Variants in NALF1 observed in about 807,000 individuals in gnomAD.
NALF1 encodes family with sequence similarity 155 member A.
Under a neutral mutation model 48.4 loss-of-function variants are expected in NALF1, and 3 were observed. The observed-to-expected ratio is 0.06, with a 90% confidence interval of 0.03 to 0.16. The LOEUF (loss-of-function observed/expected upper bound fraction) is 0.16, where lower values mean the gene tolerates loss of function less well. NALF1 is among the 10% of genes least tolerant of loss of function. NALF1 has a pLI of 1.00. For synonymous variants in NALF1, 262 were observed against 245.7 expected (o/e 1.07, Z -0.62); for missense variants, 526 against 571.5 (o/e 0.92, Z 0.81).
chr13:107,208,512 T>A (rs527282877), intron 2 of NALF1, among the ~76,000 whole-genome samples: 2 of 152,284 alleles, frequency 1.3e-5, no homozygotes, highest in East Asian at 3.9e-4. Flanking sequence ...CAGATACATG[T>A]AGGAAAAAGA....
At chr13:107,521,924 TACACACACACACACACATAC>T (rs938442260) in intron 1 of NALF1, among the ~76,000 whole-genome samples, 2 of 148,252 alleles carry the variant, frequency 1.3e-5, no homozygotes, top group South Asian at 4.3e-4. Context: ...TTCTTCAACT[TACACACACACACACACATAC>T]ACACACACAC....
chr13:107,618,593 C>T (rs371698733), intron 1 of NALF1, among the ~76,000 whole-genome samples: 2 of 152,054 alleles, frequency 1.3e-5, no homozygotes, highest in African/African-American at 2.4e-5. Context: ...GTGGCCGGAC[C>T]GGGATGCTAG....
intron 1 of NALF1, among the ~76,000 whole-genome samples, chr13:107,765,555 T>C (rs1161933089): frequency 6.6e-6 from 1 of 152,190 alleles, no homozygotes; most frequent in Non-Finnish European, 1.5e-5. Context: ...GTTCTGTTTA[T>C]GTGGATGTAC....
intron 1 of NALF1, among the ~76,000 whole-genome samples, chr13:107,565,911 T>G (rs1235553674): frequency 2.6e-5 from 4 of 152,184 alleles, no homozygotes; most frequent in Non-Finnish European, 5.9e-5. Context: ...ATCTCCATCA[T>G]TGAAATTTCT....
intron 1 of NALF1, among the ~76,000 whole-genome samples, chr13:107,649,297 A>G (rs1220793929): frequency 6.6e-6 from 1 of 152,218 alleles, no homozygotes; most frequent in Non-Finnish European, 1.5e-5. Flanking sequence ...AGATTTTTAC[A>G]TCTTGAGTCA....
chr13:107,570,589 A>ATT, intron 1 of NALF1, among the ~76,000 whole-genome samples: 1 of 91,998 alleles, frequency 1.1e-5, no homozygotes, highest in African/African-American at 3.6e-5. Flanking sequence ...TTATTTTATT[A>ATT]TTATTATACT....
chr13:107,311,556 A>G (rs892961954), intron 1 of NALF1, among the ~76,000 whole-genome samples: 1 of 150,482 alleles, frequency 6.6e-6, no homozygotes, highest in Non-Finnish European at 1.5e-5. Context: ...AATTATATTT[A>G]ATAAATGATA....
chr13:107,519,196 C>A (rs780781294), intron 1 of NALF1, among the ~76,000 whole-genome samples: 4 of 151,960 alleles, frequency 2.6e-5, no homozygotes, highest in South Asian at 4.1e-4. Flanking sequence ...GGGTCTCCAA[C>A]CAGAACCACA....
intron 1 of NALF1, among the ~76,000 whole-genome samples, chr13:107,335,045 C>T (rs976901502): frequency 2.0e-5 from 3 of 152,078 alleles, no homozygotes; most frequent in Non-Finnish European, 4.4e-5. Flanking sequence ...CTGAAGTCTT[C>T]GTGATCTCCT....
At chr13:107,390,857 C>G (rs1037296508) in intron 1 of NALF1, among the ~76,000 whole-genome samples, 1 of 146,622 alleles carries the variant, frequency 6.8e-6, no homozygotes, top group Non-Finnish European at 1.5e-5. Flanking sequence ...GACCAAAAGT[C>G]AAGACCTGCA....
intron 1 of NALF1, among the ~76,000 whole-genome samples, chr13:107,323,810 A>T (rs1247870169): frequency 6.6e-6 from 1 of 152,178 alleles, no homozygotes; most frequent in Non-Finnish European, 1.5e-5. Context: ...TTAAATTGTA[A>T]CTTATCCAAG....
At chr13:107,856,244 T>A (rs577113982) in intron 1 of NALF1, among the ~76,000 whole-genome samples, 1 of 152,312 alleles carries the variant, frequency 6.6e-6, no homozygotes, top group East Asian at 1.9e-4. Context: ...TCAGTTCTTT[T>A]GATAATGTCC....
chr13:107,380,176 A>C (rs1883408354), intron 1 of NALF1, among the ~76,000 whole-genome samples: 1 of 152,162 alleles, frequency 6.6e-6, no homozygotes, highest in East Asian at 1.9e-4. Flanking sequence ...GGCATTTCTG[A>C]ATCCTTAACT....
intron 1 of NALF1, among the ~76,000 whole-genome samples, chr13:107,420,288 C>T (rs1044838674): frequency 6.6e-6 from 1 of 152,126 alleles, no homozygotes; most frequent in South Asian, 2.1e-4. Flanking sequence ...TAAAGCCAAA[C>T]TTTAGATGGT....
chr13:107,861,425 A>G (rs1880564793), intron 1 of NALF1, among the ~76,000 whole-genome samples: 1 of 152,204 alleles, frequency 6.6e-6, no homozygotes, highest in Non-Finnish European at 1.5e-5. Flanking sequence ...CTTAGTCAAG[A>G]GCAAAATATT....
intron 1 of NALF1, among the ~76,000 whole-genome samples, chr13:107,565,503 C>A (rs899921476): frequency 2.0e-5 from 3 of 151,372 alleles, no homozygotes; most frequent in Non-Finnish European, 4.4e-5. Flanking sequence ...AAAACAAAAA[C>A]TCTATTTTCC....
chr13:107,441,878 G>A (rs760294707), intron 1 of NALF1, among the ~76,000 whole-genome samples: 10 of 152,158 alleles, frequency 6.6e-5, no homozygotes, highest in Non-Finnish European at 1.3e-4. Flanking sequence ...ATAAGTGAAT[G>A]TGCAATAGGA....
intron 1 of NALF1, among the ~76,000 whole-genome samples, chr13:107,847,900 A>G (rs1168489972): frequency 6.6e-6 from 1 of 152,116 alleles, no homozygotes; most frequent in Non-Finnish European, 1.5e-5. Context: ...ATAACTAATG[A>G]AATTCTCTAC....
chr13:107,480,683 G>A (rs1011773151), intron 1 of NALF1, among the ~76,000 whole-genome samples: 4 of 152,122 alleles, frequency 2.6e-5, no homozygotes, highest in African/African-American at 7.2e-5. Flanking sequence ...TGCGGCCCAC[G>A]GGCCGTGGGT....
Sources: allele counts gnomAD v4.1 joint callset (sites outside exome capture counted in the v4.1 genomes callset), GRCh38; gene constraint gnomAD v4.1.1; transcripts MANE v1.5; gene names NCBI Gene and HGNC (gene_info 2026-07-23, HGNC 2026-07-21).